The following APBB1IP variants were observed in gnomAD, a reference collection of about 807,000 sequenced individuals.
APBB1IP encodes amyloid beta A4 precursor protein-binding family B member 1-interacting protein.
In APBB1IP, 27 loss-of-function variants were observed where a neutral mutation model predicts 64.9. The observed-to-expected ratio is 0.42, with a 90% CI of 0.31 to 0.57. The LOEUF is 0.57. Among genes scored for constraint, APBB1IP ranks in the 20% least tolerant of loss-of-function variants. The pLI is 0.20. For synonymous variants in APBB1IP, 392 were observed against 331.0 expected (o/e 1.18, Z -2.00); for missense variants, 812 against 845.5 (o/e 0.96, Z 0.49).
intron 10 of APBB1IP, among the ~76,000 whole-genome samples, chr10:26,539,050 A>G (rs1241094838): frequency 1.3e-5 from 2 of 152,356 alleles, no homozygotes; most frequent in Middle Eastern, 3.4e-3. Context: ...ACCTCATTCC[A>G]TGTACCAAAC....
intron 2 of APBB1IP, among the ~76,000 whole-genome samples, chr10:26,442,767 G>A (rs1222945434): frequency 1.3e-5 from 2 of 152,176 alleles, no homozygotes; most frequent in African/African-American, 4.8e-5. Context: ...TATTTACCAA[G>A]ACATTTCCTG....
intron 2 of APBB1IP, among the ~76,000 whole-genome samples, chr10:26,448,387 G>T (rs1835425407): frequency 6.6e-6 from 1 of 152,106 alleles, no homozygotes; most frequent in Non-Finnish European, 1.5e-5. Context: ...ACTAAGTCTT[G>T]CAAATCCAGT....
At chr10:26,454,253 C>A (rs6482562) in intron 2 of APBB1IP, among the ~76,000 whole-genome samples, 60,350 of 151,566 alleles carry the variant, frequency 0.4, 12,081 homozygotes, top group South Asian at 0.5. Context: ...CCAGCCTGGC[C>A]AACATGACAA....
intron 2 of APBB1IP, among the ~76,000 whole-genome samples, chr10:26,481,944 T>C (rs1014295091): frequency 6.6e-6 from 1 of 152,082 alleles, no homozygotes; most frequent in Non-Finnish European, 1.5e-5. Flanking sequence ...AATCATTTCA[T>C]TTAATGATTA....
chr10:26,539,975 G>C (rs1836677479), intron 10 of APBB1IP, among the ~76,000 whole-genome samples: 1 of 152,074 alleles, frequency 6.6e-6, no homozygotes, highest in Non-Finnish European at 1.5e-5. Context: ...CTCACGCCTG[G>C]GAGCTTGGAA....
chr10:26,502,780 C>T (rs1836122643), intron 5 of APBB1IP, among the ~76,000 whole-genome samples: 1 of 152,182 alleles, frequency 6.6e-6, no homozygotes, highest in South Asian at 2.1e-4. Flanking sequence ...ATGTTCAAAT[C>T]CCTGGAGATG....
chr10:26,471,135 T>C (rs1835710716), intron 2 of APBB1IP, among the ~76,000 whole-genome samples: 1 of 152,184 alleles, frequency 6.6e-6, no homozygotes, highest in African/African-American at 2.4e-5. Flanking sequence ...TTGCCCAAGA[T>C]TACACAGCCA....
At chr10:26,489,647 CAA>C (rs1339521854) in intron 2 of APBB1IP, among the ~76,000 whole-genome samples, 2 of 152,156 alleles carry the variant, frequency 1.3e-5, no homozygotes, top group African/African-American at 2.4e-5. Context: ...ACAGCTCTTG[CAA>C]AAGAGTTAGT....
At chr10:26,488,481 C>A (rs1421893724) in intron 2 of APBB1IP, among the ~76,000 whole-genome samples, 1 of 152,108 alleles carries the variant, frequency 6.6e-6, no homozygotes, top group African/African-American at 2.4e-5. Context: ...AATCCTCTCC[C>A]CTCGGCCTCC....
intron 2 of APBB1IP, among the ~76,000 whole-genome samples, chr10:26,445,098 A>T (rs1269292416): frequency 3.5e-5 from 5 of 144,512 alleles, no homozygotes; most frequent in Non-Finnish European, 6.0e-5. Flanking sequence ...TTCTGTCAAA[A>T]AAAAAAAAGA....
At position 26,528,647 on chromosome 10, in the gene APBB1IP, G is replaced by A. The variant is rs1411152459; in HGVS notation, c.814-4792G>A. Among the ~76,000 whole-genome samples the A allele has an allele frequency of 4.6e-5, 7 of 152,206 alleles. 1 individual carries two copies. In the South Asian group the frequency reaches 8.3e-4, roughly 18 times the overall value. On this transcript the variant is annotated intron_variant, in intron 8 of 14. Transcript: ENST00000376236. Reference sequence around the variant, plus strand: ...GTGATAGCAACCTTCTTAAGAACAGGGATTTGAGGCCAGGCATGGTGGCTC... The same window carrying A: ...GTGATAGCAACCTTCTTAAGAACAGAGATTTGAGGCCAGGCATGGTGGCTC...
chr10:26,544,568 G>T (rs1358466940), intron 11 of APBB1IP, among the ~76,000 whole-genome samples: 2 of 152,180 alleles, frequency 1.3e-5, no homozygotes, highest in African/African-American at 4.8e-5. Flanking sequence ...GGGCAGACAG[G>T]ATGAAAGTCT....
chr10:26,451,047 T>TC (rs1454348372), intron 2 of APBB1IP, among the ~76,000 whole-genome samples: 2 of 152,154 alleles, frequency 1.3e-5, no homozygotes, highest in African/African-American at 4.8e-5. Context: ...TGAAAAGTGT[T>TC]AACTATTATA....
intron 14 of APBB1IP, among the ~76,000 whole-genome samples, chr10:26,564,577 C>T (rs988231992): frequency 2.0e-5 from 3 of 152,200 alleles, no homozygotes; most frequent in South Asian, 2.1e-4. Flanking sequence ...CCGAGGCAGG[C>T]GGATCACCTG....
At chr10:26,555,329 C>T (rs2132479726) in intron 11 of APBB1IP, among the ~76,000 whole-genome samples, 1 of 152,268 alleles carries the variant, frequency 6.6e-6, no homozygotes, top group South Asian at 2.1e-4. Context: ...GATTCCACAC[C>T]AGCTTAATTT....
intron 3 of APBB1IP, among the ~76,000 whole-genome samples, chr10:26,494,065 A>C (rs115615041): frequency 1.3e-5 from 2 of 152,120 alleles, no homozygotes; most frequent in Non-Finnish European, 2.9e-5. Context: ...TATCATCTTT[A>C]GTAAAGACTT....
At chr10:26,462,857 G>T (rs72803261) in intron 2 of APBB1IP, among the ~76,000 whole-genome samples, 5 of 152,070 alleles carry the variant, frequency 3.3e-5, no homozygotes, top group African/African-American at 1.2e-4. Context: ...TCATGCTCTT[G>T]TTACTCCTCA....
intron 10 of APBB1IP, 123 bp downstream of exon 10, chr10:26,536,340 A>C: frequency 9.4e-7 from 1 of 1,067,858 alleles, no homozygotes; most frequent in Non-Finnish European, 1.3e-6. Flanking sequence ...ATCCTGCAAC[A>C]TGTATACAAA....
chr10:26,497,278 G>A (rs945674080), intron 4 of APBB1IP, among the ~76,000 whole-genome samples: 13 of 152,186 alleles, frequency 8.5e-5, no homozygotes, highest in South Asian at 4.1e-4. Context: ...GAGGCCAGGC[G>A]CAGTGGCTCA....
Sources: allele counts gnomAD v4.1 joint callset (sites outside exome capture counted in the v4.1 genomes callset), GRCh38; gene constraint gnomAD v4.1.1; transcripts MANE v1.5; gene names NCBI Gene and HGNC (gene_info 2026-07-23, HGNC 2026-07-21).